The following AGBL1 variants were observed in gnomAD, a reference collection of about 807,000 sequenced individuals.
AGBL1 encodes cytosolic carboxypeptidase 4.
In AGBL1, 130 loss-of-function variants were observed where a neutral mutation model predicts 118.9. The observed-to-expected ratio is 1.09, with a 90% CI of 0.95 to 1.26. The LOEUF is 1.26. AGBL1 is among the 50% of genes most tolerant of loss of function. AGBL1 has a pLI of 0.00. For synonymous variants in AGBL1, 555 were observed against 478.9 expected (o/e 1.16, Z -2.08); for missense variants, 1,584 against 1,298.1 (o/e 1.22, Z -3.38).
chr15:86,851,807 A>T (rs561881137), intron 22 of AGBL1, among the ~76,000 whole-genome samples: 1 of 152,212 alleles, frequency 6.6e-6, no homozygotes, highest in East Asian at 1.9e-4. Context: ...GATGCAGGAG[A>T]TATTCTCCAC....
At chr15:86,633,210 C>T (rs571888607) in intron 21 of AGBL1, among the ~76,000 whole-genome samples, 1 of 152,252 alleles carries the variant, frequency 6.6e-6, no homozygotes, top group East Asian at 1.9e-4. Flanking sequence ...AAAAAAAATG[C>T]TGTGTTGTGT....
At chr15:86,589,316 G>A (rs569598059) in intron 21 of AGBL1, among the ~76,000 whole-genome samples, 1 of 152,214 alleles carries the variant, frequency 6.6e-6, no homozygotes, top group Non-Finnish European at 1.5e-5. Context: ...CAGCAAGAGA[G>A]GGCTGACCAC....
intron 18 of AGBL1, among the ~76,000 whole-genome samples, chr15:86,481,010 T>A (rs749983409): frequency 1.1e-4 from 16 of 151,952 alleles, no homozygotes; most frequent in Non-Finnish European, 1.8e-4. Context: ...GGCTGGTGAC[T>A]ATTTTCAATG....
intron 22 of AGBL1, among the ~76,000 whole-genome samples, chr15:86,823,193 G>A (rs527805204): frequency 3.0e-4 from 46 of 151,982 alleles, no homozygotes; most frequent in African/African-American, 1.1e-3. Flanking sequence ...CTGAAAATCA[G>A]GCACAGACTC....
At chr15:86,421,163 A>G (rs184554927) in intron 18 of AGBL1, among the ~76,000 whole-genome samples, 2 of 152,340 alleles carry the variant, frequency 1.3e-5, no homozygotes, top group East Asian at 3.9e-4. Context: ...CATAACCGTC[A>G]GATTCACCAA....
chr15:86,190,336 A>G (rs1329745564), intron 5 of AGBL1, among the ~76,000 whole-genome samples: 1 of 152,124 alleles, frequency 6.6e-6, no homozygotes, highest in Non-Finnish European at 1.5e-5. Flanking sequence ...ATTAATTACT[A>G]CTAACTACCA....
chr15:86,591,377 C>CCA (rs1370190943), intron 21 of AGBL1, among the ~76,000 whole-genome samples: 1 of 152,134 alleles, frequency 6.6e-6, no homozygotes, highest in Non-Finnish European at 1.5e-5. Flanking sequence ...GTGCCAGATG[C>CCA]CACAGATCAA....
At chr15:86,442,967 G>A (rs2082081810) in intron 18 of AGBL1, among the ~76,000 whole-genome samples, 1 of 152,216 alleles carries the variant, frequency 6.6e-6, no homozygotes, top group South Asian at 2.1e-4. Flanking sequence ...CTGCAAGGAA[G>A]TAAAAGTGAT....
chr15:86,627,464 C>T (rs1241821169), intron 21 of AGBL1, among the ~76,000 whole-genome samples: 3 of 152,142 alleles, frequency 2.0e-5, no homozygotes, highest in Non-Finnish European at 4.4e-5. Context: ...AATGTGAAGA[C>T]TTGGCCTCTG....
intron 22 of AGBL1, among the ~76,000 whole-genome samples, chr15:86,683,189 C>G (rs1032808841): frequency 6.6e-6 from 1 of 152,020 alleles, no homozygotes; most frequent in African/African-American, 2.4e-5. Context: ...TTATTAATTT[C>G]TCTTTATAGT....
chr15:86,869,195 G>T (rs977750213), intron 22 of AGBL1, among the ~76,000 whole-genome samples: 3 of 152,194 alleles, frequency 2.0e-5, no homozygotes, highest in Non-Finnish European at 4.4e-5. Context: ...GTAAGACAGA[G>T]AGGTGTGTCA....
intron 18 of AGBL1, among the ~76,000 whole-genome samples, chr15:86,406,025 G>C (rs1297259976): frequency 6.6e-6 from 1 of 152,174 alleles, no homozygotes; most frequent in African/African-American, 2.4e-5. Context: ...GAGGGTGAAG[G>C]AGTCTAGAGT....
At chr15:86,524,973 T>G (rs2142205264) in intron 19 of AGBL1, among the ~76,000 whole-genome samples, 1 of 152,314 alleles carries the variant, frequency 6.6e-6, no homozygotes, top group African/African-American at 2.4e-5. Flanking sequence ...TTCTGTTTGC[T>G]AATGATATGA....
chr15:86,323,972 C>A (rs2080144622), intron 17 of AGBL1, among the ~76,000 whole-genome samples: 1 of 152,152 alleles, frequency 6.6e-6, no homozygotes, highest in African/African-American at 2.4e-5. Context: ...TATCCCAGAA[C>A]CCCAGTTAAT....
chr15:86,635,083 T>G (rs2085053291), intron 21 of AGBL1, among the ~76,000 whole-genome samples: 1 of 152,150 alleles, frequency 6.6e-6, no homozygotes, highest in Non-Finnish European at 1.5e-5. Flanking sequence ...TTTTATCAGA[T>G]TTGTAATGAT....
intron 21 of AGBL1, among the ~76,000 whole-genome samples, chr15:86,561,383 C>A (rs777186286): frequency 6.6e-6 from 1 of 152,194 alleles, no homozygotes; most frequent in South Asian, 2.1e-4. Flanking sequence ...TCTGGCTAGC[C>A]AGTTTTCCCA....
intron 22 of AGBL1, among the ~76,000 whole-genome samples, chr15:86,851,467 C>T (rs949953726): frequency 6.6e-6 from 1 of 152,168 alleles, no homozygotes; most frequent in South Asian, 2.1e-4. Flanking sequence ...GCATTGAGAA[C>T]AGGAGGTCTG....
intron 19 of AGBL1, among the ~76,000 whole-genome samples, chr15:86,524,256 C>T (rs76652328): frequency 0.032 from 4,917 of 152,184 alleles, 116 homozygotes; most frequent in East Asian, 0.082. Context: ...CTGTTGAAAG[C>T]GTGTGTTGGG....
chr15:86,798,770 A>G (rs1158618748), intron 22 of AGBL1, among the ~76,000 whole-genome samples: 1 of 149,622 alleles, frequency 6.7e-6, no homozygotes, highest in East Asian at 2.0e-4. Flanking sequence ...CCAGAGTCCC[A>G]TATATTTAGA....
Sources: gnomAD v4.1 joint callset for allele counts (sites outside exome capture counted in the v4.1 genomes callset) on GRCh38, gnomAD v4.1.1 for gene constraint, MANE v1.5 for transcripts, NCBI Gene and HGNC (gene_info 2026-07-23, HGNC 2026-07-21) for gene names.